The following ARHGDIA variants were observed in gnomAD, a reference collection of about 807,000 sequenced individuals.
ARHGDIA encodes the protein rho GDP-dissociation inhibitor 1.
Under a neutral mutation model 25.0 loss-of-function variants are expected in ARHGDIA, and 9 were observed. That is an observed-to-expected ratio of 0.36 (90% confidence interval 0.22 to 0.63). The LOEUF is 0.63. Ranked by LOEUF, ARHGDIA falls within the 20% of genes least tolerant of loss-of-function variation. The pLI, the probability that ARHGDIA is intolerant of heterozygous loss-of-function variation, is 0.69. For missense variants in ARHGDIA, 239 were observed against 264.3 expected (o/e 0.90, Z 0.66); for synonymous variants, 166 against 111.5 (o/e 1.49, Z -3.08).
Position 81,867,971 on chromosome 17 carries a change from A to T in ARHGDIA, c.*905T>A, listed in dbSNP as rs2039094356. The T allele has an allele frequency of 5.7e-6, 1 of 175,832 alleles. No homozygotes were observed. Among genetic ancestry groups the T allele is most frequent in the Admixed American group, 6.1e-5 (1 of 16,376 alleles). The allele number at this position is 175,832 out of a possible 1,614,324, so 10.9% of individuals were successfully genotyped here. On this transcript the variant is annotated 3_prime_UTR_variant, in exon 6 of 6. Coordinates refer to ENST00000269321, the MANE Select transcript of ARHGDIA (RefSeq NM_004309.6). ...GCCCAGGGACGGCACGGACGGAGGC[A>T]ATAAATACTGATGGCCAGGCGGGGC...
Position 81,868,723 on chromosome 17 carries a change from A to T in ARHGDIA, c.*153T>A. ...AGGGCTGAGGAGGGGGGTCGGAGGC[A>T]CTCGGTTGAGCCAGGCCAGGGAGGC... On this transcript the variant is annotated 3_prime_UTR_variant, in exon 6 of 6. Transcript: ENST00000269321. 6.6e-7 allele frequency: 1 copy of T among 1,524,150 alleles called. No homozygotes were observed. The highest frequency in any genetic ancestry group is 8.8e-7 in the Non-Finnish European group (1 of 1,142,602). 94.4% of individuals were successfully genotyped at this position (1,524,150 alleles called of 1,614,324 possible). A position where few individuals can be genotyped will look rare whatever the true frequency, so the allele number is the denominator to read the frequency against.
At position 81,869,642 on chromosome 17, in the gene ARHGDIA, G is replaced by C; in HGVS notation, c.191-17C>G. ...CGTTGGGGTCTGGGGAGTGACAGCA[G>C]GTGAGGGCCCCACCCCCACCAGTGG... On this transcript the variant is annotated splice_polypyrimidine_tract_variant and intron_variant, in intron 2 of 5. Transcript: ENST00000269321. 6.6e-7 allele frequency: 1 copy of C among 1,519,960 alleles called. No homozygotes were observed. The highest frequency in any genetic ancestry group is 8.8e-7 in the Non-Finnish European group (1 of 1,134,256). The allele number at this position is 1,519,960 out of a possible 1,614,324, so 94.2% of individuals were successfully genotyped here.
At position 81,869,887 on chromosome 17, in the gene ARHGDIA, G is replaced by A. The variant is rs1485244267; in HGVS notation, c.44C>T (p.Ala15Val). 8 of 1,613,984 alleles carry A rather than the reference G, an allele frequency of 5.0e-6. No homozygotes were observed. Among genetic ancestry groups the A allele is most frequent in the Non-Finnish European group, 6.8e-6 (8 of 1,180,006 alleles). Reference sequence around the variant, plus strand: ...GTGCTCATCCTCCTCGTTCTCCGCTGCAATCTGGGCCAGCTGCTCGGCTGT... The same window carrying A: ...GTGCTCATCCTCCTCGTTCTCCGCTACAATCTGGGCCAGCTGCTCGGCTGT... ...EPTAEQLAQI[A>V]AENEEDEHSV... Residue 15 changes from alanine to valine, a missense_variant, in exon 2 of 6, where the codon GCA (alanine) becomes GTA (valine). By Grantham distance (64) the Ala-to-Val change is moderately conservative. Transcript: ENST00000269321.
At position 81,868,563 on chromosome 17, in the gene ARHGDIA, G is replaced by C. The variant is rs185290419; in HGVS notation, c.*313C>G. On this transcript the variant is annotated 3_prime_UTR_variant, in exon 6 of 6. Coordinates refer to ENST00000269321, the MANE Select transcript of ARHGDIA (RefSeq NM_004309.6). ...CCGCTCCCTCCTGAAGCCAGGCCTCGGGTGTGACGGGGAGATAGAACCTGG... is the reference window on the plus strand; with the variant it reads ...CCGCTCCCTCCTGAAGCCAGGCCTCCGGTGTGACGGGGAGATAGAACCTGG... 1.0e-4 allele frequency: 159 copies of C among 1,535,068 alleles called. No homozygotes were observed. In the Admixed American group the frequency reaches 1.2e-3, roughly 11 times the overall value.
At chr17:81,869,451 G>A in intron 3 of ARHGDIA, 45 bp from the exon 4 acceptor site, 5 of 1,612,368 alleles carry the variant, frequency 3.1e-6, no homozygotes, top group African/African-American at 2.7e-5. Context: ...GCAGCCCTGC[G>A]CGAAGCCCCA....
Position 81,868,348 on chromosome 17 carries a change from A to G in ARHGDIA, c.*528T>C, listed in dbSNP as rs2039115096. 1 of 1,429,522 alleles carries G rather than the reference A, an allele frequency of 7.0e-7. No individual in the cohort carries two copies. The allele number at this position is 1,429,522 out of a possible 1,614,324, so 88.6% of individuals were successfully genotyped here. A position where few individuals can be genotyped will look rare whatever the true frequency, so the allele number is the denominator to read the frequency against. Reference sequence around the variant, plus strand: ...GGGAGTTAGAGGCTAGTGAGGCCCCACGGTACACTCCACATGTTAAGGCAT... The same window carrying G: ...GGGAGTTAGAGGCTAGTGAGGCCCCGCGGTACACTCCACATGTTAAGGCAT... On this transcript the variant is annotated 3_prime_UTR_variant, in exon 6 of 6. Coordinates refer to ENST00000269321, the MANE Select transcript of ARHGDIA (RefSeq NM_004309.6).
In ARHGDIA at chr17:81,869,544, G is replaced by T; in HGVS notation, c.272C>A (p.Thr91Lys). 2 of 1,586,376 alleles carry T rather than the reference G, an allele frequency of 1.3e-6. No individual in the cohort carries two copies. Among genetic ancestry groups the T allele is most frequent in the Non-Finnish European group, 1.7e-6 (2 of 1,167,440 alleles). ...SAPGPLELDLTGDLESFKKQS... is the reference protein window; with the variant it reads ...SAPGPLELDLKGDLESFKKQS... ...CCCCGCGGCCGCAGGGCACTCACCC[G>T]TCAGGTCCAGCTCCAGGGGGCCCGG... Residue 91 changes from threonine (T) to lysine (K), a missense_variant and splice_region_variant, in exon 3 of 6, where the codon ACG becomes AAG. Coordinates refer to ENST00000269321, the MANE Select transcript of ARHGDIA (RefSeq NM_004309.6).
chr17:81,869,656 C>G (rs201919353), intron 2 of ARHGDIA, 31 bp from the exon 3 acceptor site: 1 of 1,528,558 alleles, frequency 6.5e-7, no homozygotes, highest in African/African-American at 1.4e-5. Flanking sequence ...AGGGCCCCAC[C>G]CCCACCAGTG....
Position 81,869,620 on chromosome 17 carries a change from T to C in ARHGDIA, c.196A>G (p.Asn66Asp). The change falls in exon 3 of 6, where the codon AAC becomes GAC. Residue 66 changes from asparagine (N) to aspartate (D), a missense_variant. Transcript: ENST00000269321. ...CCAGTCACCACGACGTTGGGGACGTTGGGGTCTGGGGAGTGACAGCAGGTG... is the reference window on the plus strand; with the variant it reads ...CCAGTCACCACGACGTTGGGGACGTCGGGGTCTGGGGAGTGACAGCAGGTG... ...LGRVAVSADP[N>D]VPNVVVTGLT... is the part of the protein sequence containing the mutation. 2.6e-6 allele frequency: 4 copies of C among 1,513,494 alleles called. No individual in the cohort carries two copies. Among genetic ancestry groups the C allele is most frequent in the Non-Finnish European group, 2.6e-6 (3 of 1,132,736 alleles). The allele number at this position is 1,513,494 out of a possible 1,614,324, so 93.8% of individuals were successfully genotyped here.
Position 81,868,533 on chromosome 17 carries a change from C to A in ARHGDIA, c.*343G>T. 2.0e-6 allele frequency: 3 copies of A among 1,531,464 alleles called. No individual in the cohort carries two copies. Among genetic ancestry groups the A allele is most frequent in the Non-Finnish European group, 2.6e-6 (3 of 1,143,984 alleles). 94.9% of individuals were successfully genotyped at this position (1,531,464 alleles called of 1,614,324 possible). ...GGCAACCACGGGGCCTGGAGAATGGCTGCTCCGCTCCCTCCTGAAGCCAGG... is the reference window on the plus strand; with the variant it reads ...GGCAACCACGGGGCCTGGAGAATGGATGCTCCGCTCCCTCCTGAAGCCAGG... On this transcript the variant is annotated 3_prime_UTR_variant, in exon 6 of 6. Transcript: ENST00000269321.
chr17:81,869,309 C>G, intron 4 of ARHGDIA, 21 bp downstream of exon 4: 1 of 1,614,070 alleles, frequency 6.2e-7, no homozygotes, highest in South Asian at 1.1e-5. Context: ...CATTCCCTGG[C>G]CACAGCAGCC....
chr17:81,868,451 A>C lies in ARHGDIA; in HGVS notation c.*425T>G. On this transcript the variant is annotated 3_prime_UTR_variant, in exon 6 of 6. Transcript: ENST00000269321. Reference sequence around the variant, plus strand: ...GCTGGAGGACGGCCCGGCCCCCACGAGGCCGTGCATCCCACACCCCAGCTC... The same window carrying C: ...GCTGGAGGACGGCCCGGCCCCCACGCGGCCGTGCATCCCACACCCCAGCTC... 1 of 1,489,888 alleles carries C rather than the reference A, an allele frequency of 6.7e-7. No individual in the cohort carries two copies. Among genetic ancestry groups the C allele is most frequent in the Non-Finnish European group, 8.9e-7 (1 of 1,122,472 alleles). 92.3% of individuals were successfully genotyped at this position (1,489,888 alleles called of 1,614,324 possible).
rs140754271 is a variant in ARHGDIA at position 81,869,079 on chromosome 17, C to T, written c.416-4G>A. The T allele has an allele frequency of 1.7e-3, 2,747 of 1,612,642 alleles. 5 individuals are homozygous for T. Among genetic ancestry groups the T allele is most frequent in the Non-Finnish European group, 2.2e-3 (2,591 of 1,179,502 alleles). ...ACCATGTAGTCAGTCTTGTCAACTG[C>T]GGCACAAGGAAGAGGGCGGTCAGCG... On this transcript the variant is annotated splice_region_variant and splice_polypyrimidine_tract_variant and intron_variant, in intron 5 of 5. Coordinates refer to ENST00000269321, the MANE Select transcript of ARHGDIA (RefSeq NM_004309.6).
In ARHGDIA at chr17:81,869,862, G is replaced by C. The variant is rs764242098; in HGVS notation, c.69C>G (p.His23Gln). ...QIAAENEEDE[H>Q]SVNYKPPAQK... ...GGGCCGGGGGCTTGTAGTTGACCGA[G>C]TGCTCATCCTCCTCGTTCTCCGCTG... The change falls in exon 2 of 6, where the codon CAC becomes CAG. Residue 23 changes from histidine to glutamine, a missense_variant. Around this residue, in one of 3 missense-constraint regions of ARHGDIA, gnomAD observed 135 missense variants for 119.8 expected, o/e 1.13. Coordinates refer to ENST00000269321, the MANE Select transcript of ARHGDIA (RefSeq NM_004309.6). The C allele has an allele frequency of 1.9e-6, 3 of 1,614,010 alleles. No homozygotes were observed. The highest frequency in any genetic ancestry group is 1.1e-5 in the South Asian group (1 of 91,094).
Position 81,869,767 on chromosome 17 carries a change from A to G in ARHGDIA, c.164T>C (p.Leu55Pro). The change falls in exon 2 of 6, where the codon CTG becomes CCG. Residue 55 changes from leucine (L) to proline (P), a missense_variant. By Grantham distance (98) the Leu-to-Pro change is moderately conservative. This residue lies in a region of ARHGDIA where 135 missense variants were observed against 119.8 expected (regional missense o/e 1.13). Transcript: ENST00000269321. ...TGCGGAAACGGCCACGCGGCCCAGC[A>G]GGGCCTCCTTGTACTTTCGCAGGCT... ...DESLRKYKEALLGRVAVSADP... is the reference protein window; with the variant it reads ...DESLRKYKEAPLGRVAVSADP... The G allele has an allele frequency of 6.2e-7, 1 of 1,613,766 alleles. No individual in the cohort carries two copies. Among genetic ancestry groups the G allele is most frequent in the Non-Finnish European group, 8.5e-7 (1 of 1,179,938 alleles).
chr17:81,869,955 C>T lies in ARHGDIA; in HGVS notation c.-25G>A, dbSNP rs200515189. ...TGCTCAAGCTTAGCCTGGGTCGGGA[C>T]ACCTGTGGGCGGGACGGTGACAGGC... On this transcript the variant is annotated splice_region_variant and 5_prime_UTR_variant, in exon 2 of 6. Coordinates refer to ENST00000269321, the MANE Select transcript of ARHGDIA (RefSeq NM_004309.6). 49 of 1,609,892 alleles carry T rather than the reference C, an allele frequency of 3.0e-5. No homozygotes were observed. Among genetic ancestry groups the T allele is most frequent in the Non-Finnish European group, 3.9e-5 (46 of 1,179,610 alleles).
intron 2 of ARHGDIA, 24 bp from the exon 3 acceptor site, chr17:81,869,649 GC>G: frequency 1.3e-6 from 2 of 1,523,574 alleles, no homozygotes; most frequent in East Asian, 2.4e-5. Flanking sequence ...GCAGGTGAGG[GC>G]CCCACCCCCA....
In ARHGDIA at chr17:81,867,765, AG is replaced by A; in HGVS notation, c.*1110del. Reference sequence around the variant, plus strand: ...TCCCGGTCAGAAAAGAAGCAGGGACAGGCGCCTCTGCCTGAGCCTGGCAGAC... The same window carrying A: ...TCCCGGTCAGAAAAGAAGCAGGGACAGCGCCTCTGCCTGAGCCTGGCAGAC... On this transcript the variant is annotated 3_prime_UTR_variant, in exon 6 of 6. Coordinates refer to ENST00000269321, the MANE Select transcript of ARHGDIA (RefSeq NM_004309.6). 1 of 152,696 alleles carries A rather than the reference AG, an allele frequency of 6.5e-6. No individual in the cohort carries two copies. The highest frequency in any genetic ancestry group is 1.9e-4 in the East Asian group (1 of 5,180). 9.5% of individuals were successfully genotyped at this position (152,696 alleles called of 1,614,324 possible).
chr17:81,869,495 A>G (rs767361688), intron 3 of ARHGDIA, 47 bp downstream of exon 3: 10 of 1,608,120 alleles, frequency 6.2e-6, no homozygotes, highest in Admixed American at 5.0e-5. Context: ...ACTTCCCGAG[A>G]TCCCCACCAG....
Sources: allele counts gnomAD v4.1 joint callset, GRCh38; gene constraint gnomAD v4.1.1; regional missense constraint gnomAD v4.1.1; transcripts MANE v1.5; gene names NCBI Gene and HGNC (gene_info 2026-07-23, HGNC 2026-07-21).